PDE1A: variants seen among roughly 807,000 people sequenced by gnomAD.
PDE1A encodes phosphodiesterase 1A.
PDE1A carries 35 observed loss-of-function variants against 61.7 expected under a neutral mutation model. The observed-to-expected ratio is 0.57, with a 90% confidence interval of 0.43 to 0.75. PDE1A has a LOEUF of 0.75. Among genes scored for constraint, PDE1A ranks in the 30% least tolerant of loss-of-function variants. PDE1A has a pLI of 0.00. For missense variants in PDE1A, 597 were observed against 630.6 expected (o/e 0.95, Z 0.57); for synonymous variants, 232 against 213.2 (o/e 1.09, Z -0.77).
chr2:182,349,920 G>A (rs960808238), intron 1 of PDE1A, among the ~76,000 whole-genome samples: 2 of 151,924 alleles, frequency 1.3e-5, no homozygotes, highest in Non-Finnish European at 2.9e-5. Context: ...ACTTTTTATT[G>A]ACATATAACA....
intron 2 of PDE1A, chr2:182,241,684 T>A: frequency 1.7e-6 from 1 of 581,840 alleles, no homozygotes; most frequent in Non-Finnish European, 2.7e-6. Context: ...TAAGCATGAA[T>A]GTATTTATGA....
At chr2:182,701,286 T>C in the PDE1A span, among the ~76,000 whole-genome samples, 83 of 151,846 alleles carry the variant, frequency 5.5e-4, no homozygotes, top group Non-Finnish European at 8.7e-4. Flanking sequence ...CCGCCCGCCT[T>C]GGCCTCCCAA....
the PDE1A span, among the ~76,000 whole-genome samples, chr2:182,633,805 T>C: frequency 0.62 from 93,665 of 152,040 alleles, 29,103 homozygotes; most frequent in Admixed American, 0.71. Flanking sequence ...ATAACCAGGC[T>C]GGATGCAGTG....
the PDE1A span, among the ~76,000 whole-genome samples, chr2:182,573,830 C>T: frequency 2.1e-5 from 3 of 143,550 alleles, no homozygotes; most frequent in Non-Finnish European, 4.5e-5. Flanking sequence ...TCTAAAGGGA[C>T]AGAATAGGAT....
intron 2 of PDE1A, among the ~76,000 whole-genome samples, chr2:182,434,110 C>T (rs1160988523): frequency 1.3e-5 from 2 of 152,044 alleles, no homozygotes; most frequent in South Asian, 2.1e-4. Context: ...GATACAATAA[C>T]TGAGGAAAAG....
intron 1 of PDE1A, among the ~76,000 whole-genome samples, chr2:182,414,593 T>C (rs1355061019): frequency 6.6e-6 from 1 of 152,124 alleles, no homozygotes; most frequent in Non-Finnish European, 1.5e-5. Flanking sequence ...CATTCTGGTT[T>C]CTGTCAAGGG....
the PDE1A span, among the ~76,000 whole-genome samples, chr2:182,543,328 C>G: frequency 6.6e-6 from 1 of 152,198 alleles, no homozygotes; most frequent in African/African-American, 2.4e-5. Context: ...GACTATTCTA[C>G]TCATTGTAAG....
intron 2 of PDE1A, among the ~76,000 whole-genome samples, chr2:182,507,972 T>G (rs1380917402): frequency 6.6e-6 from 1 of 152,196 alleles, no homozygotes; most frequent in Non-Finnish European, 1.5e-5. Flanking sequence ...TTAAGATTAT[T>G]TTTCTGAAAT....
chr2:182,502,116 G>A (rs568229735), intron 2 of PDE1A, among the ~76,000 whole-genome samples: 11 of 152,074 alleles, frequency 7.2e-5, no homozygotes, highest in Admixed American at 1.3e-4. Flanking sequence ...TTCCTCAAAT[G>A]CCTCTTCAAA....
At chr2:182,269,145 C>T (rs964485128) in intron 1 of PDE1A, among the ~76,000 whole-genome samples, 4 of 152,032 alleles carry the variant, frequency 2.6e-5, no homozygotes, top group African/African-American at 9.7e-5. Context: ...TTAAAAGACA[C>T]AAACTAACAA....
chr2:182,685,029 T>A, the PDE1A span, among the ~76,000 whole-genome samples: 743 of 151,150 alleles, frequency 4.9e-3, 3 homozygotes, highest in South Asian at 0.024. Flanking sequence ...TTGACAAGCA[T>A]TTTAATAATA....
intron 2 of PDE1A, among the ~76,000 whole-genome samples, chr2:182,477,390 A>G (rs945681840): frequency 6.6e-6 from 1 of 151,938 alleles, no homozygotes; most frequent in African/African-American, 2.4e-5. Flanking sequence ...GCTGCTTTAA[A>G]CACTTGACAA....
chr2:182,155,747 T>C (rs1023789760), intron 13 of PDE1A, among the ~76,000 whole-genome samples: 1 of 152,034 alleles, frequency 6.6e-6, no homozygotes, highest in Non-Finnish European at 1.5e-5. Context: ...GAAAATTAGC[T>C]GGGTGTTGTG....
the PDE1A span, among the ~76,000 whole-genome samples, chr2:182,559,900 T>TA: frequency 2.0e-3 from 301 of 152,154 alleles, 2 homozygotes; most frequent in Middle Eastern, 6.8e-3. Flanking sequence ...TTTAAATTTT[T>TA]AAAAAACAGG....
chr2:182,325,938 G>A (rs544840402), intron 1 of PDE1A, among the ~76,000 whole-genome samples: 2 of 151,954 alleles, frequency 1.3e-5, no homozygotes, highest in South Asian at 2.1e-4. Flanking sequence ...AAACAACAAC[G>A]ACAAAAACAA....
At chr2:182,346,740 C>T (rs1181339745) in intron 1 of PDE1A, among the ~76,000 whole-genome samples, 8 of 152,078 alleles carry the variant, frequency 5.3e-5, no homozygotes, top group African/African-American at 1.9e-4. Flanking sequence ...TGCATATTTA[C>T]ATATCTGTAC....
At chr2:182,443,606 C>T (rs1684934465) in intron 2 of PDE1A, among the ~76,000 whole-genome samples, 1 of 151,994 alleles carries the variant, frequency 6.6e-6, no homozygotes, top group African/African-American at 2.4e-5. Context: ...TGCCTTTCAC[C>T]CTGATTGTAA....
chr2:182,505,666 G>A (rs1261556326), intron 2 of PDE1A, among the ~76,000 whole-genome samples: 3 of 152,124 alleles, frequency 2.0e-5, no homozygotes, highest in Non-Finnish European at 2.9e-5. Flanking sequence ...TTCTTCACAC[G>A]CCAGTTTGAG....
At chr2:182,336,202 C>G (rs1232413541) in intron 1 of PDE1A, among the ~76,000 whole-genome samples, 1 of 152,152 alleles carries the variant, frequency 6.6e-6, no homozygotes, top group African/African-American at 2.4e-5. Flanking sequence ...TTGTGGAAGA[C>G]AGTATGGCGA....
Sources: allele counts gnomAD v4.1 joint callset (sites outside exome capture counted in the v4.1 genomes callset), GRCh38; gene constraint gnomAD v4.1.1; transcripts MANE v1.5; gene names NCBI Gene and HGNC (gene_info 2026-07-23, HGNC 2026-07-21).